Variants in PIGL observed in about 807,000 individuals in gnomAD.
The protein encoded by PIGL is N-acetylglucosaminyl-phosphatidylinositol de-N-acetylase.
A neutral mutation model predicts 31.1 loss-of-function variants in PIGL; 22 were observed. The ratio of observed to expected loss-of-function variants is 0.71; its 90% CI spans 0.51 to 1.01. The LOEUF (loss-of-function observed/expected upper bound fraction) is 1.01, where lower values mean the gene tolerates loss of function less well. PIGL is among the 50% of genes least tolerant of loss of function. The pLI is 0.00. For missense variants in PIGL, 302 were observed against 315.9 expected, an observed-to-expected ratio of 0.96 and a Z score of 0.33; for synonymous variants, 131 against 117.4, an observed-to-expected ratio of 1.12 and a Z score of -0.75.
chr17:16,302,294 C>T (rs1209106350), intron 3 of PIGL, among the ~76,000 whole-genome samples: 1 of 152,100 alleles, frequency 6.6e-6, no homozygotes, highest in African/African-American at 2.4e-5. Context: ...AGCATGAAAG[C>T]GGTAATGTTA....
At chr17:16,325,054 G>A (rs567465322) in intron 6 of PIGL, among the ~76,000 whole-genome samples, 1 of 151,916 alleles carries the variant, frequency 6.6e-6, no homozygotes, top group South Asian at 2.1e-4. Context: ...TAAGAATGTG[G>A]ACTCTAACTG....
chr17:16,279,531 T>C (rs2092908392), intron 2 of PIGL: 1 of 152,238 alleles, frequency 6.6e-6, no homozygotes, highest in South Asian at 2.1e-4. Flanking sequence ...TATTTCTAAC[T>C]TTTAAATTTT....
chr17:16,247,109 C>T (rs1455523147), intron 2 of PIGL, among the ~76,000 whole-genome samples: 1 of 152,156 alleles, frequency 6.6e-6, no homozygotes, highest in African/African-American at 2.4e-5. Flanking sequence ...TTCTTCCCTC[C>T]CTCTTCTTAA....
chr17:16,258,548 G>C (rs1170522005), intron 2 of PIGL, among the ~76,000 whole-genome samples: 1 of 151,436 alleles, frequency 6.6e-6, no homozygotes, highest in Non-Finnish European at 1.5e-5. Context: ...CTGTTGCCCA[G>C]GCTGGAGTGC....
chr17:16,217,867 CTAA>C (rs1444203833), intron 1 of PIGL: 2 of 157,566 alleles, frequency 1.3e-5, no homozygotes, highest in African/African-American at 4.8e-5. Flanking sequence ...AAGTTAACTT[CTAA>C]TGATAGTAAA....
chr17:16,297,049 T>G (rs2092985685), intron 2 of PIGL, among the ~76,000 whole-genome samples: 1 of 152,204 alleles, frequency 6.6e-6, no homozygotes, highest in South Asian at 2.1e-4. Context: ...CTTTCTGACC[T>G]GTGTTATCTC....
chr17:16,267,640 G>A (rs1366992900), intron 2 of PIGL, among the ~76,000 whole-genome samples: 1 of 151,082 alleles, frequency 6.6e-6, no homozygotes, highest in Non-Finnish European at 1.5e-5. Context: ...GACTGCAGTG[G>A]GCTATGATGG....
At chr17:16,220,303 G>T (rs1047417299) in intron 1 of PIGL, among the ~76,000 whole-genome samples, 1 of 151,914 alleles carries the variant, frequency 6.6e-6, no homozygotes, top group Non-Finnish European at 1.5e-5. Flanking sequence ...AGCTGAGATC[G>T]CGCCACTGCA....
chr17:16,306,717 C>T (rs974899983), intron 3 of PIGL, among the ~76,000 whole-genome samples: 2 of 151,894 alleles, frequency 1.3e-5, no homozygotes, highest in Admixed American at 6.6e-5. Flanking sequence ...TTAGTAGAGA[C>T]GGGGTTTCTC....
chr17:16,299,812 C>T, intron 2 of PIGL, 76 bp from the exon 3 acceptor site: 1 of 998,660 alleles, frequency 1.0e-6, no homozygotes, highest in Non-Finnish European at 1.6e-6. Flanking sequence ...TAAAACTGGG[C>T]ATGCACCTAC....
intron 2 of PIGL, among the ~76,000 whole-genome samples, chr17:16,244,077 G>A (rs1330133095): frequency 5.9e-5 from 9 of 152,184 alleles, no homozygotes; most frequent in Non-Finnish European, 1.3e-4. Flanking sequence ...TTATTGATCT[G>A]GGTGATCCAT....
intron 3 of PIGL, among the ~76,000 whole-genome samples, chr17:16,309,165 T>C (rs1316007403): frequency 6.6e-6 from 1 of 151,950 alleles, no homozygotes; most frequent in African/African-American, 2.4e-5. Flanking sequence ...GCTGTAAAAG[T>C]AGTGTCTTCC....
intron 2 of PIGL, among the ~76,000 whole-genome samples, chr17:16,251,338 G>A (rs529532235): frequency 7.3e-5 from 11 of 151,570 alleles, no homozygotes; most frequent in African/African-American, 2.4e-4. Flanking sequence ...TGGGAGAATC[G>A]CTTGGGGTCA....
At chr17:16,313,775 AC>A (rs1484666153) in intron 4 of PIGL, among the ~76,000 whole-genome samples, 161 bp downstream of exon 4, 1 of 152,194 alleles carries the variant, frequency 6.6e-6, no homozygotes. Flanking sequence ...ACTGCATCTC[AC>A]CATGTCCTCT....
intron 1 of PIGL, among the ~76,000 whole-genome samples, chr17:16,231,067 C>CTT (rs59390439): frequency 1.2e-4 from 12 of 96,508 alleles, no homozygotes; most frequent in African/African-American, 2.6e-4. Flanking sequence ...TTTGGTTTTT[C>CTT]TTTTTTTTTT....
intron 2 of PIGL, among the ~76,000 whole-genome samples, chr17:16,263,675 A>G (rs1156381806): frequency 6.7e-6 from 1 of 149,724 alleles, no homozygotes; most frequent in Non-Finnish European, 1.5e-5. Context: ...AGTGTGCACC[A>G]CCACGCCCAG....
At chr17:16,252,662 C>G (rs1188190478) in intron 2 of PIGL, among the ~76,000 whole-genome samples, 1 of 151,946 alleles carries the variant, frequency 6.6e-6, no homozygotes, top group Admixed American at 6.6e-5. Context: ...TCCTCCCTCT[C>G]TACTCAACTT....
intron 2 of PIGL, among the ~76,000 whole-genome samples, chr17:16,266,906 TGG>T (rs5819561): frequency 0.082 from 10,055 of 122,772 alleles, 540 homozygotes; most frequent in African/African-American, 0.16. Context: ...TCTTTTTTTT[TGG>T]GGGGGGGGGG....
At chr17:16,246,077 C>T (rs982640940) in intron 2 of PIGL, among the ~76,000 whole-genome samples, 18 of 151,762 alleles carry the variant, frequency 1.2e-4, no homozygotes, top group African/African-American at 3.6e-4. Context: ...CCCGCCTCGG[C>T]CTCCCAAAGT....
Sources: allele counts gnomAD v4.1 joint callset (sites outside exome capture counted in the v4.1 genomes callset), GRCh38; gene constraint gnomAD v4.1.1; transcripts MANE v1.5; gene names NCBI Gene and HGNC (gene_info 2026-07-23, HGNC 2026-07-21).